The following SLC38A1 variants were observed in gnomAD, a reference collection of about 807,000 sequenced individuals.
SLC38A1 encodes solute carrier family 38 member 1, also known as sodium-coupled neutral amino acid symporter 1.
SLC38A1 carries 18 observed loss-of-function variants against 60.3 expected under a neutral mutation model. The ratio of observed to expected loss-of-function variants is 0.30; its 90% CI spans 0.21 to 0.44. The LOEUF is 0.44. Ranked by LOEUF, SLC38A1 falls within the 20% of genes least tolerant of loss-of-function variation. The pLI is 1.00. For synonymous variants in SLC38A1, 196 were observed against 212.1 expected, an observed-to-expected ratio of 0.92 and a Z score of 0.66; for missense variants, 448 against 587.2, an observed-to-expected ratio of 0.76 and a Z score of 2.45.
At chr12:46,234,446 C>CTT (rs397791217) in intron 3 of SLC38A1, among the ~76,000 whole-genome samples, 1,956 of 140,632 alleles carry the variant, frequency 0.014, 46 homozygotes, top group African/African-American at 0.039. Flanking sequence ...TTCTTTCTTT[C>CTT]TTTTTTTTTT....
chr12:46,203,293 A>G (rs1369540126), intron 11 of SLC38A1, among the ~76,000 whole-genome samples: 1 of 152,190 alleles, frequency 6.6e-6, no homozygotes, highest in East Asian at 1.9e-4. Flanking sequence ...CACTTGTCAC[A>G]GAGGGACTTC....
At position 46,239,690 on chromosome 12, in the gene SLC38A1, A is replaced by C; in HGVS notation, c.111T>G (p.Gly37=). 1 of 1,613,598 alleles carries C rather than the reference A, an allele frequency of 6.2e-7. No homozygotes were observed. Among genetic ancestry groups the C allele is most frequent in the Non-Finnish European group, 8.5e-7 (1 of 1,179,938 alleles). ...GGAAAAATACTCACCTATTTATCTG[A>C]CCATTTTCTACTTCGGTGAAATCAT... ...DSNDFTEVEN[G]QINSKFISDR... The change falls in exon 3 of 17, where the codon GGT becomes GGG. Residue 37 remains glycine (G), a synonymous_variant. Transcript: ENST00000398637.
At chr12:46,245,740 C>T (rs778468917) in intron 1 of SLC38A1, among the ~76,000 whole-genome samples, 1 of 152,084 alleles carries the variant, frequency 6.6e-6, no homozygotes, top group African/African-American at 2.4e-5. Flanking sequence ...CAGAGTGAGA[C>T]CCTGTCTCAA....
chr12:46,218,400 T>C (rs1425841855), intron 5 of SLC38A1, among the ~76,000 whole-genome samples: 9 of 149,662 alleles, frequency 6.0e-5, no homozygotes, highest in Non-Finnish European at 1.0e-4. Flanking sequence ...CGGTGGGTAT[T>C]TGGGACTTTT....
chr12:46,268,922 G>T lies in SLC38A1; in HGVS notation c.-605C>A. 2.2e-6 allele frequency: 1 copy of T among 455,218 alleles called. No homozygotes were observed. The highest frequency in any genetic ancestry group is 1.6e-5 in the South Asian group (1 of 64,380). The allele number at this position is 455,218 out of a possible 1,614,324, so 28.2% of individuals were successfully genotyped here. A position where few individuals can be genotyped will look rare whatever the true frequency, so the allele number is the denominator to read the frequency against. ...CGGAGTCATTCTCCTACTGGGGGACGCGTGGCCCTTCCGCAACCATGGCTT... is the reference window on the plus strand; with the variant it reads ...CGGAGTCATTCTCCTACTGGGGGACTCGTGGCCCTTCCGCAACCATGGCTT... On this transcript the variant is annotated 5_prime_UTR_variant, in exon 1 of 17. Coordinates refer to ENST00000398637, the MANE Select transcript of SLC38A1 (RefSeq NM_030674.4). The surrounding 1 kb of genome is among the most constrained non-coding windows in gnomAD (Gnocchi z 4.4).
Position 46,184,841 on chromosome 12 carries a change from T to C in SLC38A1, c.*4129A>G, listed in dbSNP as rs1037035121. The C allele has an allele frequency of 3.3e-5, 5 of 152,324 alleles. No individual in the cohort carries two copies. The highest frequency in any genetic ancestry group is 1.2e-4 in the African/African-American group (5 of 41,560). The allele number at this position is 152,324 out of a possible 1,614,324, so 9.4% of individuals were successfully genotyped here. A position where few individuals can be genotyped will look rare whatever the true frequency, so the allele number is the denominator to read the frequency against. On this transcript the variant is annotated 3_prime_UTR_variant, in exon 17 of 17. Coordinates refer to ENST00000398637, the MANE Select transcript of SLC38A1 (RefSeq NM_030674.4). Reference sequence around the variant, plus strand: ...AGCCTCACTTTCATTTCCTCACAGCTTTAAAAAATAAAATATTATCATGCC... The same window carrying C: ...AGCCTCACTTTCATTTCCTCACAGCCTTAAAAAATAAAATATTATCATGCC...
At chr12:46,204,101 G>C (rs941208093) in intron 11 of SLC38A1, among the ~76,000 whole-genome samples, 200 bp downstream of exon 11, 2 of 152,168 alleles carry the variant, frequency 1.3e-5, no homozygotes, top group Non-Finnish European at 2.9e-5. Context: ...CACAGAGAAT[G>C]CTTAATGGTA....
intron 3 of SLC38A1, among the ~76,000 whole-genome samples, chr12:46,232,544 T>C (rs1941115795): frequency 6.6e-6 from 1 of 152,248 alleles, no homozygotes; most frequent in Non-Finnish European, 1.5e-5. Flanking sequence ...TTTACAGATC[T>C]GGCTGCAGAA....
chr12:46,253,784 C>A (rs553279778), intron 1 of SLC38A1, among the ~76,000 whole-genome samples: 1 of 152,082 alleles, frequency 6.6e-6, no homozygotes, highest in East Asian at 1.9e-4. Context: ...ATAAGAGAAC[C>A]CTTAATCCTA....
intron 16 of SLC38A1, among the ~76,000 whole-genome samples, chr12:46,194,917 T>C (rs1939298784): frequency 6.6e-6 from 1 of 152,168 alleles, no homozygotes; most frequent in Non-Finnish European, 1.5e-5. Context: ...ATTACCAACC[T>C]TCTGAAGCCT....
intron 5 of SLC38A1, among the ~76,000 whole-genome samples, chr12:46,210,139 C>G (rs1940091673): frequency 6.6e-6 from 1 of 152,200 alleles, no homozygotes; most frequent in Non-Finnish European, 1.5e-5. Context: ...CCTTCCCCCT[C>G]CCAGCACACC....
chr12:46,207,724 T>A, intron 6 of SLC38A1, 103 bp from the exon 7 acceptor site: 1 of 1,116,208 alleles, frequency 9.0e-7, no homozygotes, highest in Non-Finnish European at 1.4e-6. Context: ...AGTTACTATG[T>A]GCCTTTCTCA....
At chr12:46,257,887 C>T (rs943201213) in intron 1 of SLC38A1, among the ~76,000 whole-genome samples, 6 of 152,278 alleles carry the variant, frequency 3.9e-5, no homozygotes, top group Non-Finnish European at 7.3e-5. Context: ...TCTTAGATCT[C>T]GCACAAGAAA....
In SLC38A1 at chr12:46,185,082, G is replaced by A. The variant is rs891926201; in HGVS notation, c.*3888C>T. 6.6e-6 allele frequency: 1 copy of A among 152,142 alleles called. No individual in the cohort carries two copies. The highest frequency in any genetic ancestry group is 2.4e-5 in the African/African-American group (1 of 41,418). The allele number at this position is 152,142 out of a possible 1,614,324, so 9.4% of individuals were successfully genotyped here. Reference sequence around the variant, plus strand: ...GAGTCCTAGGAATCATCTGGTGAGGGAGGACTAATGGGAAGTAAAAGGGAG... The same window carrying A: ...GAGTCCTAGGAATCATCTGGTGAGGAAGGACTAATGGGAAGTAAAAGGGAG... On this transcript the variant is annotated 3_prime_UTR_variant, in exon 17 of 17. Transcript: ENST00000398637.
intron 1 of SLC38A1, among the ~76,000 whole-genome samples, chr12:46,262,660 G>A (rs535015960): frequency 6.6e-6 from 1 of 152,086 alleles, no homozygotes; most frequent in Non-Finnish European, 1.5e-5. Flanking sequence ...TTGTTTTTAA[G>A]CCCTAGCTAA....
intron 5 of SLC38A1, among the ~76,000 whole-genome samples, chr12:46,222,427 G>A (rs1170974665): frequency 2.6e-5 from 4 of 151,996 alleles, no homozygotes; most frequent in Non-Finnish European, 4.4e-5. Context: ...CTCCTTCCAT[G>A]CTCACTTCCA....
chr12:46,213,299 G>A (rs2137395309), intron 5 of SLC38A1, among the ~76,000 whole-genome samples: 1 of 152,314 alleles, frequency 6.6e-6, no homozygotes, highest in East Asian at 1.9e-4. Context: ...CTACTAGGCT[G>A]TCTTCCTGAT....
intron 1 of SLC38A1, among the ~76,000 whole-genome samples, chr12:46,264,431 T>G (rs1236355957): frequency 6.6e-6 from 1 of 152,146 alleles, no homozygotes; most frequent in Non-Finnish European, 1.5e-5. Context: ...AGGAATTCAG[T>G]GATTGGGAAG....
At position 46,188,882 on chromosome 12, in the gene SLC38A1, A is replaced by C; in HGVS notation, c.*88T>G. The C allele has an allele frequency of 1.8e-6, 2 of 1,126,046 alleles. No homozygotes were observed. The highest frequency in any genetic ancestry group is 2.6e-6 in the Non-Finnish European group (2 of 756,008). 69.8% of individuals were successfully genotyped at this position (1,126,046 alleles called of 1,614,324 possible). ...CCTGTACATTTCTGTTTGCTTCTGTAAACTTGCAAAAGAAGTGGTGAGAGA... is the reference window on the plus strand; with the variant it reads ...CCTGTACATTTCTGTTTGCTTCTGTCAACTTGCAAAAGAAGTGGTGAGAGA... On this transcript the variant is annotated 3_prime_UTR_variant, in exon 17 of 17. Transcript: ENST00000398637.
Sources: allele counts gnomAD v4.1 joint callset (sites outside exome capture counted in the v4.1 genomes callset), GRCh38; gene constraint gnomAD v4.1.1; non-coding constraint Gnocchi (gnomAD v3.1); transcripts MANE v1.5; gene names NCBI Gene and HGNC (gene_info 2026-07-23, HGNC 2026-07-21).